Variants in SEMA4G observed in about 807,000 individuals in gnomAD.
The protein encoded by SEMA4G is semaphorin 4G, also known as semaphorin-4G.
In SEMA4G, 59 loss-of-function variants were observed where a neutral mutation model predicts 81.2. The observed-to-expected ratio is 0.73, with a 90% CI of 0.59 to 0.90. The LOEUF (loss-of-function observed/expected upper bound fraction) is 0.90, where lower values mean the gene tolerates loss of function less well. Ranked by LOEUF, SEMA4G falls within the 40% of genes least tolerant of loss-of-function variation. The pLI is 0.00. For synonymous variants in SEMA4G, 404 were observed against 433.9 expected, an observed-to-expected ratio of 0.93 and a Z score of 0.86; for missense variants, 952 against 1,102.3, an observed-to-expected ratio of 0.86 and a Z score of 1.93.
At chr10:100,985,116 A>G (rs185501392), downstream of SEMA4G, 106 of 461,476 alleles carry the variant, frequency 2.3e-4, no homozygotes, top group African/African-American at 1.9e-3. Flanking sequence ...ACTGCACTCA[A>G]TGAGCCAGCC....
intron 3 of SEMA4G, among the ~76,000 whole-genome samples, chr10:100,975,381 G>T (rs1338688329): frequency 6.6e-6 from 1 of 152,160 alleles, no homozygotes; most frequent in Non-Finnish European, 1.5e-5. Context: ...CATGTTCTGA[G>T]GAACATTAAT....
upstream of SEMA4G, chr10:100,969,936 C>G (rs546962715): frequency 2.2e-6 from 1 of 453,282 alleles, no homozygotes; most frequent in South Asian, 1.6e-5. Context: ...TTAGACCTGA[C>G]GAAGGGAGAG....
At chr10:100,978,997 CCGTGTGGCT>C in exon 7 of SEMA4G, 1 of 1,614,146 alleles carries the variant, frequency 6.2e-7, no homozygotes, top group South Asian at 1.1e-5. Context: ...ACCGTGTGGC[CCGTGTGGCT>C]CGTGTCTGCA....
chr10:100,981,028 G>T (rs746399655), intron 12 of SEMA4G, 31 bp downstream of exon 13: 3 of 1,593,522 alleles, frequency 1.9e-6, no homozygotes, highest in Non-Finnish European at 2.6e-6. Context: ...ACAGTCACAT[G>T]TGGTCTGAGT....
At chr10:100,984,804 G>A (rs1162547813) in exon 14 of SEMA4G, 7 of 1,534,836 alleles carry the variant, frequency 4.6e-6, no homozygotes, top group East Asian at 4.9e-5. Context: ...GCCTGGGGAG[G>A]TAAGACTGCA....
At chr10:100,984,530 C>T in exon 14 of SEMA4G, 3 of 1,536,206 alleles carry the variant, frequency 2.0e-6, no homozygotes, top group Non-Finnish European at 2.6e-6. Context: ...TGTCACCACC[C>T]TCTGCATGGC....
At chr10:100,981,762 C>A (rs181290489) in intron 13 of SEMA4G, among the ~76,000 whole-genome samples, 6 of 152,208 alleles carry the variant, frequency 3.9e-5, no homozygotes, top group African/African-American at 1.4e-4. Context: ...GAAACTGGAC[C>A]AGAATTCAAA....
chr10:100,978,277 T>C lies in SEMA4G; in HGVS notation c.436-18T>C. ...GCCTGTCTTCGGAACCACTTACTGCTGGTTCCTTGTTCCCTAGGATGCTGA... is the reference window on the plus strand; with the variant it reads ...GCCTGTCTTCGGAACCACTTACTGCCGGTTCCTTGTTCCCTAGGATGCTGA... On this transcript the variant is annotated intron_variant, in intron 4 of 13. Transcript: ENST00000370250. 1 of 1,601,696 alleles carries C rather than the reference T, an allele frequency of 6.2e-7. No individual in the cohort carries two copies. The highest frequency in any genetic ancestry group is 8.5e-7 in the Non-Finnish European group (1 of 1,171,268).
At chr10:100,979,861 G>T in exon 9 of SEMA4G, 1 of 1,613,816 alleles carries the variant, frequency 6.2e-7, no homozygotes, top group Non-Finnish European at 8.5e-7. Context: ...GACCCTGGAG[G>T]CCTCAGCCAT....
chr10:100,978,365 G>A lies in SEMA4G; in HGVS notation c.506G>A (p.Arg169His), dbSNP rs201619012. The change falls in exon 5 of 14, where the codon CGT (arginine) becomes CAT (histidine). Residue 169 changes from arginine (R) to histidine (H), a missense_variant. This residue lies in a region of SEMA4G where 436 missense variants were observed against 488.2 expected (regional missense o/e 0.89). Transcript: ENST00000370250. The stretch of plus-strand genomic sequence containing the variant: ...GAGAAGTGTCCTTATGACCCAGCCC[G>A]TGGCTTCACAGGCCTCATCATTGGT... 5.7e-5 allele frequency: 92 copies of A among 1,613,418 alleles called. No homozygotes were observed. The Admixed American group carries it at 6.7e-4, about 12-fold the overall frequency.
chr10:100,974,335 T>C (rs536477849), intron 3 of SEMA4G, among the ~76,000 whole-genome samples: 1 of 152,076 alleles, frequency 6.6e-6, no homozygotes, highest in Admixed American at 6.5e-5. Flanking sequence ...TATGCTGGCG[T>C]GCACCTGTAG....
At chr10:100,983,485 C>G in exon 14 of SEMA4G, 1 of 1,614,202 alleles carries the variant, frequency 6.2e-7, no homozygotes, top group East Asian at 2.2e-5. Context: ...GATGCACAGC[C>G]TGAGCACAGT....
upstream of SEMA4G, among the ~76,000 whole-genome samples, chr10:100,970,815 A>T (rs1006122884): frequency 1.3e-5 from 2 of 152,174 alleles, no homozygotes. Context: ...TGCCTGGCCC[A>T]CTATATCAAT....
chr10:100,973,386 C>T lies in SEMA4G; in HGVS notation c.273+109C>T. On this transcript the variant is annotated intron_variant, in intron 2 of 13. Transcript: ENST00000370250. The surrounding 1 kb of genome is among the most constrained non-coding windows in gnomAD (Gnocchi z 5.5). ...AGCCTTCCATAGCCCCCTGGTCAGA[C>T]AGCACTGCCCTTCCCAGCCCAGGTG... 3 of 1,446,236 alleles carry T rather than the reference C, an allele frequency of 2.1e-6. No homozygotes were observed. The highest frequency in any genetic ancestry group is 2.0e-5 in the Admixed American group (1 of 50,626). The allele number at this position is 1,446,236 out of a possible 1,614,324, so 89.6% of individuals were successfully genotyped here.
chr10:100,985,196 T>C (rs1318520975), downstream of SEMA4G: 1 of 328,164 alleles, frequency 3.0e-6, no homozygotes, highest in African/African-American at 2.1e-5. Context: ...AAATCTGATG[T>C]CTCAACTGGC....
exon 7 of SEMA4G, chr10:100,978,853 G>A (rs145899563): frequency 2.6e-5 from 42 of 1,613,690 alleles, no homozygotes; most frequent in African/African-American, 1.3e-4. Flanking sequence ...CCACAGATGC[G>A]GAGTTTGTGT....
At chr10:100,978,295 G>A (rs1004659697) in exon 5 of SEMA4G, 1 of 1,611,804 alleles carries the variant, frequency 6.2e-7, no homozygotes, top group Non-Finnish European at 8.5e-7. Context: ...TGTTCCCTAG[G>A]ATGCTGAGGC....
intron 13 of SEMA4G, among the ~76,000 whole-genome samples, chr10:100,982,362 C>T (rs528578991): frequency 6.6e-5 from 10 of 152,292 alleles, no homozygotes; most frequent in African/African-American, 2.4e-4. Context: ...GTGGCATGAT[C>T]AGATTTGTGT....
intron 3 of SEMA4G, among the ~76,000 whole-genome samples, chr10:100,974,485 A>G (rs141421845): frequency 6.6e-6 from 1 of 152,286 alleles, no homozygotes; most frequent in Non-Finnish European, 1.5e-5. Context: ...AACAAAAAAC[A>G]GTAAGTAACC....
Sources: allele counts gnomAD v4.1 joint callset (sites outside exome capture counted in the v4.1 genomes callset), GRCh38; gene constraint gnomAD v4.1.1; regional missense constraint gnomAD v4.1.1; non-coding constraint Gnocchi (gnomAD v3.1); transcripts MANE v1.5; gene names NCBI Gene and HGNC (gene_info 2026-07-23, HGNC 2026-07-21).